Variants in CCDC13 observed in about 807,000 individuals in gnomAD.
CCDC13 encodes coiled-coil domain-containing protein 13.
In CCDC13, 70 loss-of-function variants were observed where a neutral mutation model predicts 87.3. The observed-to-expected ratio is 0.80, with a 90% confidence interval of 0.66 to 0.98. CCDC13 has a LOEUF of 0.98. Among genes scored for constraint, CCDC13 ranks in the 50% least tolerant of loss-of-function variants. The pLI is 0.00. For missense variants in CCDC13, 842 were observed against 892.0 expected (o/e 0.94, Z 0.71); for synonymous variants, 317 against 360.3 (o/e 0.88, Z 1.36).
intron 13 of CCDC13, among the ~76,000 whole-genome samples, chr3:42,716,563 A>G (rs1403527606): frequency 6.6e-6 from 1 of 152,260 alleles, no homozygotes; most frequent in Non-Finnish European, 1.5e-5. Flanking sequence ...AAAATATACA[A>G]ATGTCCAATA....
At chr3:42,715,549 T>C (rs1157795437) in intron 13 of CCDC13, among the ~76,000 whole-genome samples, 5 of 152,010 alleles carry the variant, frequency 3.3e-5, no homozygotes, top group African/African-American at 9.7e-5. Context: ...GAGGCAGAGG[T>C]TGCAGTGAGC....
At chr3:42,717,424 CAA>C (rs35259284) in intron 13 of CCDC13, among the ~76,000 whole-genome samples, 1 of 125,776 alleles carries the variant, frequency 8.0e-6, no homozygotes, top group African/African-American at 3.0e-5. Context: ...GAATCCATCT[CAA>C]AAAAAAAAAA....
Position 42,708,908 on chromosome 3 carries a change from T to G in CCDC13, c.*72A>C. 2 of 1,470,040 alleles carry G rather than the reference T, an allele frequency of 1.4e-6. No individual in the cohort carries two copies. The highest frequency in any genetic ancestry group is 1.8e-6 in the Non-Finnish European group (2 of 1,103,968). The allele number at this position is 1,470,040 out of a possible 1,614,324, so 91.1% of individuals were successfully genotyped here. On this transcript the variant is annotated 3_prime_UTR_variant, in exon 16 of 16. Transcript: ENST00000310232. ...GGCTGGCTTCCCGGAGCAGATGGAG[T>G]CCTCAGACAGAGTCTTATCCTCTCA...
At chr3:42,749,861 C>A in intron 5 of CCDC13, 1 of 456,712 alleles carries the variant, frequency 2.2e-6, no homozygotes, top group Non-Finnish European at 4.4e-6. Context: ...GGGTGTTCAG[C>A]TCCACTCTGG....
rs907813999 is a variant in CCDC13, at chr3:42,707,523, C to A, written c.*1457G>T. 1.3e-5 allele frequency among the ~76,000 whole-genome samples: 2 copies of A among 152,180 alleles called. No individual in the cohort carries two copies. The highest frequency in any genetic ancestry group is 4.8e-5 in the African/African-American group (2 of 41,446). On this transcript the variant is annotated 3_prime_UTR_variant, in exon 16 of 16. Transcript: ENST00000310232. Reference sequence around the variant, plus strand: ...AGGAAGGGGCTGAGAAGACAGGGTCCCAGGAGCCGCAGTGGCTTTTCCAAG... The same window carrying A: ...AGGAAGGGGCTGAGAAGACAGGGTCACAGGAGCCGCAGTGGCTTTTCCAAG...
intron 7 of CCDC13, among the ~76,000 whole-genome samples, chr3:42,744,461 G>A (rs575137757): frequency 3.5e-4 from 53 of 152,226 alleles, no homozygotes; most frequent in African/African-American, 1.1e-3. Flanking sequence ...CTCGTGTGGC[G>A]CTGTGAGGCA....
At chr3:42,753,921 T>C (rs1417077645) in intron 3 of CCDC13, among the ~76,000 whole-genome samples, 1 of 151,992 alleles carries the variant, frequency 6.6e-6, no homozygotes, top group African/African-American at 2.4e-5. Context: ...ATGGGGAAGT[T>C]GTATGGTATG....
In CCDC13 at chr3:42,756,745, T is replaced by C. The variant is rs139136128; in HGVS notation, c.370+321A>G. On this transcript the variant is annotated intron_variant, in intron 3 of 15. Coordinates refer to ENST00000310232, the MANE Select transcript of CCDC13 (RefSeq NM_144719.4). Reference sequence around the variant, plus strand: ...AATGGATCCTGCCAGCCCCTTTACATGCTGCGAGCATGATGGCAAACCCTT... The same window carrying C: ...AATGGATCCTGCCAGCCCCTTTACACGCTGCGAGCATGATGGCAAACCCTT... Among the ~76,000 whole-genome samples, 18 of 152,292 alleles carry C rather than the reference T, an allele frequency of 1.2e-4. No homozygotes were observed. In the East Asian group the frequency reaches 3.1e-3, roughly 26 times the overall value.
intron 1 of CCDC13, among the ~76,000 whole-genome samples, chr3:42,759,441 C>T (rs966704245): frequency 6.6e-6 from 1 of 152,210 alleles, no homozygotes; most frequent in Non-Finnish European, 1.5e-5. Flanking sequence ...CTTTTGCAGT[C>T]AATTTCCAGC....
At chr3:42,739,271 T>C (rs1168909878) in intron 9 of CCDC13, among the ~76,000 whole-genome samples, 2 of 152,218 alleles carry the variant, frequency 1.3e-5, no homozygotes, top group African/African-American at 4.8e-5. Flanking sequence ...TCTGTGCCAC[T>C]GCAGAGATAA....
At chr3:42,740,022 G>A (rs1699163311) in intron 8 of CCDC13, among the ~76,000 whole-genome samples, 1 of 152,040 alleles carries the variant, frequency 6.6e-6, no homozygotes, top group African/African-American at 2.4e-5. Context: ...CCTTCCCCTA[G>A]CACATGACAG....
At chr3:42,753,301 C>A (rs754917588) in intron 3 of CCDC13, among the ~76,000 whole-genome samples, 4 of 152,222 alleles carry the variant, frequency 2.6e-5, no homozygotes, top group Non-Finnish European at 5.9e-5. Flanking sequence ...CTAGCCAAGC[C>A]TGGCCTAGAT....
At chr3:42,771,170 C>T (rs1317961319) in intron 1 of CCDC13, 1 of 152,122 alleles carries the variant, frequency 6.6e-6, no homozygotes. Context: ...ATGAAAGAAA[C>T]CTAAATGTGT....
In CCDC13 at chr3:42,757,143, T is replaced by A; in HGVS notation, c.293A>T (p.Tyr98Phe). 1 of 1,614,234 alleles carries A rather than the reference T, an allele frequency of 6.2e-7. No homozygotes were observed. Residue 98 changes from tyrosine (Y) to phenylalanine (F), a missense_variant, in exon 3 of 16, where the codon TAT becomes TTT. Tyr to Phe is a conservative substitution (Grantham distance 22). Transcript: ENST00000310232. ...AAAGTCCCTTTCCTTCAGCAGCTTA[T>A]ACAATCGCCCGTTCTCGTCCACCGT... is the stretch of plus-strand genomic sequence containing the variant. ...RETVDENGRL[Y>F]KLLKERDFEI...
chr3:42,713,413 C>A, intron 13 of CCDC13, 97 bp from the exon 14 acceptor site: 1 of 1,224,890 alleles, frequency 8.2e-7, no homozygotes, highest in Non-Finnish European at 1.1e-6. Context: ...GCACATCTTA[C>A]ATTGGTAGTG....
At position 42,742,882 on chromosome 3, in the gene CCDC13, C is replaced by T; in HGVS notation, c.987+14G>A. Reference sequence around the variant, plus strand: ...TTCCCACATGCCCAGCTGACCTCCTCAGGCACGCGTTACCTCCAAGCCTTC... The same window carrying T: ...TTCCCACATGCCCAGCTGACCTCCTTAGGCACGCGTTACCTCCAAGCCTTC... On this transcript the variant is annotated intron_variant, in intron 8 of 15. Coordinates refer to ENST00000310232, the MANE Select transcript of CCDC13 (RefSeq NM_144719.4). 3.7e-6 allele frequency: 6 copies of T among 1,613,696 alleles called. No homozygotes were observed. The highest frequency in any genetic ancestry group is 5.1e-6 in the Non-Finnish European group (6 of 1,179,746).
intron 7 of CCDC13, 51 bp downstream of exon 7, chr3:42,745,872 G>A (rs1447356957): frequency 1.4e-6 from 2 of 1,451,932 alleles, no homozygotes; most frequent in African/African-American, 1.4e-5. Flanking sequence ...CTCTTTCTGG[G>A]GTGTTTTAAA....
chr3:42,735,997 C>A (rs955209922), intron 9 of CCDC13, 84 bp from the exon 10 acceptor site: 43 of 1,310,330 alleles, frequency 3.3e-5, no homozygotes, highest in Middle Eastern at 2.4e-4. Context: ...CTCCCTCACC[C>A]CAAAGCAGGC....
chr3:42,724,874 A>G (rs1698653611), intron 13 of CCDC13, among the ~76,000 whole-genome samples: 1 of 152,184 alleles, frequency 6.6e-6, no homozygotes, highest in Non-Finnish European at 1.5e-5. Context: ...TAAGAATGCT[A>G]AGAATGAATT....
Sources: allele counts gnomAD v4.1 joint callset (sites outside exome capture counted in the v4.1 genomes callset), GRCh38; gene constraint gnomAD v4.1.1; transcripts MANE v1.5; gene names NCBI Gene and HGNC (gene_info 2026-07-23, HGNC 2026-07-21).